SLC24A2: variants seen among roughly 807,000 people sequenced by gnomAD.
SLC24A2 encodes solute carrier family 24 member 2.
Under a neutral mutation model 62.0 loss-of-function variants are expected in SLC24A2, and 36 were observed. That is an observed-to-expected ratio of 0.58 (90% CI 0.44 to 0.77). The LOEUF (loss-of-function observed/expected upper bound fraction) is 0.77. Among genes scored for constraint, SLC24A2 ranks in the 30% least tolerant of loss-of-function variants. The probability of loss-of-function intolerance (pLI) is 0.00; values close to 1 mark genes in which losing one functional copy is unlikely to be tolerated. For synonymous variants in SLC24A2, 358 were observed against 294.0 expected (o/e 1.22, Z -2.23); for missense variants, 846 against 817.9 (o/e 1.03, Z -0.42).
the SLC24A2 span, among the ~76,000 whole-genome samples, chr9:20,177,251 A>T: frequency 6.6e-6 from 1 of 152,166 alleles, no homozygotes; most frequent in Non-Finnish European, 1.5e-5. Context: ...AAAGTAAAAA[A>T]AAGGCCTTAC....
intron 2 of SLC24A2, among the ~76,000 whole-genome samples, chr9:19,750,943 A>G (rs1481445330): frequency 1.3e-5 from 2 of 152,118 alleles, no homozygotes; most frequent in African/African-American, 4.8e-5. Flanking sequence ...CTAGTGTTAG[A>G]CCGGCTTCTG....
the SLC24A2 span, among the ~76,000 whole-genome samples, chr9:20,291,049 G>C: frequency 6.6e-6 from 1 of 152,170 alleles, no homozygotes; most frequent in East Asian, 1.9e-4. Flanking sequence ...AGGGGTCCTT[G>C]TGCAATAAAC....
chr9:19,945,611 CTTACTA>C, the SLC24A2 span, among the ~76,000 whole-genome samples: 1 of 152,150 alleles, frequency 6.6e-6, no homozygotes, highest in Admixed American at 6.5e-5. Context: ...CACTAAGTAC[CTTACTA>C]TATCATCACA....
At chr9:19,909,789 G>T in the SLC24A2 span, among the ~76,000 whole-genome samples, 3 of 151,974 alleles carry the variant, frequency 2.0e-5, no homozygotes, top group Non-Finnish European at 4.4e-5. Context: ...ATTTTCAATT[G>T]CTTTCAGCTC....
At chr9:19,619,206 G>T (rs1385444013) in intron 4 of SLC24A2, among the ~76,000 whole-genome samples, 2 of 152,124 alleles carry the variant, frequency 1.3e-5, no homozygotes, top group Non-Finnish European at 2.9e-5. Flanking sequence ...CTTTTTTAAG[G>T]TGCACAATTT....
At chr9:19,726,763 T>C (rs1821183425) in intron 2 of SLC24A2, among the ~76,000 whole-genome samples, 1 of 152,192 alleles carries the variant, frequency 6.6e-6, no homozygotes. Context: ...CCAACTGTTC[T>C]ATAGAATATT....
the SLC24A2 span, among the ~76,000 whole-genome samples, chr9:20,229,721 TTTC>T: frequency 2.0e-5 from 3 of 152,110 alleles, no homozygotes; most frequent in African/African-American, 7.2e-5. Flanking sequence ...TATTTTTCTA[TTTC>T]TTTTTTTTTA....
rs375276486 is a variant in SLC24A2, at chr9:19,576,918, A to C, written c.1228+6T>G. The C allele has an allele frequency of 6.2e-7, 1 of 1,605,870 alleles. No homozygotes were observed. Among genetic ancestry groups the C allele is most frequent in the Non-Finnish European group, 8.5e-7 (1 of 1,172,712 alleles). Reference sequence around the variant, plus strand: ...AGGTATGGGGTGGATGTTTCCCTGCACTCACCCACGTGGTTGGCAGCCCCA... The same window carrying C: ...AGGTATGGGGTGGATGTTTCCCTGCCCTCACCCACGTGGTTGGCAGCCCCA... On this transcript the variant is annotated splice_donor_region_variant and intron_variant, in intron 6 of 10. Transcript: ENST00000341998.
chr9:19,528,076 A>G lies in SLC24A2; in HGVS notation c.1542T>C (p.Ser514=). 6.3e-7 allele frequency: 1 copy of G among 1,597,572 alleles called. No homozygotes were observed. The highest frequency in any genetic ancestry group is 8.5e-7 in the Non-Finnish European group (1 of 1,171,364). ...FGSITWIAVF[S]YLMVWWAHQV... ...GGTGCGCCCACCAGACCATCAAGTA[A>G]GAGAATACTGCAATCCAGGTAATGG... Residue 514 remains serine, a synonymous_variant, in exon 9 of 11, where the codon TCT becomes TCC. Coordinates refer to ENST00000341998, the MANE Select transcript of SLC24A2 (RefSeq NM_020344.4).
the SLC24A2 span, among the ~76,000 whole-genome samples, chr9:19,825,364 G>A: frequency 6.6e-6 from 1 of 152,108 alleles, no homozygotes; most frequent in Non-Finnish European, 1.5e-5. Flanking sequence ...GTGCCAGGTG[G>A]GCACTGACAA....
At chr9:20,284,459 A>T in the SLC24A2 span, among the ~76,000 whole-genome samples, 1 of 152,012 alleles carries the variant, frequency 6.6e-6, no homozygotes, top group Admixed American at 6.6e-5. Flanking sequence ...CATTATCTTA[A>T]TAACTGCAGA....
intron 10 of SLC24A2, among the ~76,000 whole-genome samples, chr9:19,517,362 T>C (rs1273011498): frequency 6.6e-6 from 1 of 152,168 alleles, no homozygotes; most frequent in Non-Finnish European, 1.5e-5. Context: ...TAAGGGAGGT[T>C]CAGTTTTGGC....
At chr9:20,244,113 G>C in the SLC24A2 span, among the ~76,000 whole-genome samples, 3 of 152,138 alleles carry the variant, frequency 2.0e-5, no homozygotes, top group Non-Finnish European at 4.4e-5. Flanking sequence ...ATTCCTTTGA[G>C]AGTCTCCAAG....
At chr9:20,089,919 T>A in the SLC24A2 span, among the ~76,000 whole-genome samples, 6 of 152,084 alleles carry the variant, frequency 3.9e-5, no homozygotes, top group Non-Finnish European at 7.4e-5. Flanking sequence ...TGCAGCTACC[T>A]CTCTCCACTG....
the SLC24A2 span, among the ~76,000 whole-genome samples, chr9:19,911,068 TC>T: frequency 2.6e-5 from 2 of 76,916 alleles, no homozygotes. Flanking sequence ...CCCTCCCCCC[TC>T]CCCCCACCCC....
the SLC24A2 span, among the ~76,000 whole-genome samples, chr9:20,022,691 A>G: frequency 6.6e-6 from 1 of 152,242 alleles, no homozygotes; most frequent in Non-Finnish European, 1.5e-5. Flanking sequence ...TTAGTGCAAG[A>G]ACATGAGGGC....
At chr9:20,288,214 A>C in the SLC24A2 span, among the ~76,000 whole-genome samples, 4 of 152,208 alleles carry the variant, frequency 2.6e-5, no homozygotes, top group Non-Finnish European at 5.9e-5. Context: ...TTAGTACATC[A>C]GTATTTTCTG....
the SLC24A2 span, among the ~76,000 whole-genome samples, chr9:20,059,932 G>C: frequency 6.6e-6 from 1 of 151,962 alleles, no homozygotes; most frequent in African/African-American, 2.4e-5. Flanking sequence ...AAAAGGGAGA[G>C]AAGATGCAAA....
chr9:20,017,118 C>A, the SLC24A2 span, among the ~76,000 whole-genome samples: 2 of 152,090 alleles, frequency 1.3e-5, no homozygotes, highest in African/African-American at 4.8e-5. Context: ...TGTCTCTTGA[C>A]TTCAAGCAAT....
Sources: allele counts gnomAD v4.1 joint callset (sites outside exome capture counted in the v4.1 genomes callset), GRCh38; gene constraint gnomAD v4.1.1; transcripts MANE v1.5; gene names NCBI Gene and HGNC (gene_info 2026-07-23, HGNC 2026-07-21).